CFAP20DC: variants seen among roughly 807,000 people sequenced by gnomAD.
The protein encoded by CFAP20DC is CFAP20 domain containing.
Under a neutral mutation model 101.7 loss-of-function variants are expected in CFAP20DC, and 84 were observed. That is an observed-to-expected ratio of 0.83 (90% confidence interval 0.69 to 0.99). CFAP20DC has a LOEUF of 0.99. Ranked by LOEUF, CFAP20DC falls within the 50% of genes least tolerant of loss-of-function variation. CFAP20DC has a pLI of 0.00. For synonymous variants in CFAP20DC, 359 were observed against 351.2 expected, an observed-to-expected ratio of 1.02 and a Z score of -0.25; for missense variants, 1,007 against 970.3, an observed-to-expected ratio of 1.04 and a Z score of -0.50.
At chr3:58,772,388 G>A (rs772594275) in intron 15 of CFAP20DC, among the ~76,000 whole-genome samples, 19 of 152,084 alleles carry the variant, frequency 1.2e-4, no homozygotes, top group Non-Finnish European at 2.1e-4. Flanking sequence ...TATAATTATA[G>A]AAATACAAAT....
intron 4 of CFAP20DC, among the ~76,000 whole-genome samples, chr3:59,034,458 T>C (rs563961707): frequency 5.2e-4 from 79 of 152,238 alleles, no homozygotes; most frequent in African/African-American, 1.8e-3. Context: ...TCATCTTCCA[T>C]GCAAAGACAC....
chr3:58,754,380 G>A (rs920500564), intron 15 of CFAP20DC, among the ~76,000 whole-genome samples: 1 of 152,030 alleles, frequency 6.6e-6, no homozygotes, highest in African/African-American at 2.4e-5. Context: ...GGGGGAGTGA[G>A]GGCATTTCCC....
intron 4 of CFAP20DC, among the ~76,000 whole-genome samples, chr3:58,991,340 T>C (rs2092929946): frequency 6.6e-6 from 1 of 152,188 alleles, no homozygotes; most frequent in Admixed American, 6.5e-5. Context: ...AGGAAATTAA[T>C]GATGTCTTCT....
chr3:58,890,681 A>G (rs1288707881), intron 6 of CFAP20DC, among the ~76,000 whole-genome samples: 2 of 138,680 alleles, frequency 1.4e-5, no homozygotes, highest in Non-Finnish European at 3.1e-5. Flanking sequence ...GGTGGTTGCC[A>G]GGCAGAGGGT....
intron 6 of CFAP20DC, among the ~76,000 whole-genome samples, chr3:58,910,233 GT>G (rs1240531239): frequency 6.6e-6 from 1 of 151,992 alleles, no homozygotes; most frequent in African/African-American, 2.4e-5. Flanking sequence ...GAAATTTTCT[GT>G]TTCTTGAATC....
intron 4 of CFAP20DC, among the ~76,000 whole-genome samples, chr3:58,940,276 T>A (rs1215037482): frequency 6.6e-6 from 1 of 152,248 alleles, no homozygotes; most frequent in Non-Finnish European, 1.5e-5. Flanking sequence ...CCTCTATTCT[T>A]GTGCAAAAGG....
intron 6 of CFAP20DC, among the ~76,000 whole-genome samples, chr3:58,891,526 T>C (rs2082263528): frequency 6.6e-6 from 1 of 152,182 alleles, no homozygotes; most frequent in Non-Finnish European, 1.5e-5. Context: ...TGGTATCTCA[T>C]TGTGCTTTTG....
At chr3:58,730,690 T>C (rs149333700) in intron 3 of CFAP20DC, among the ~76,000 whole-genome samples, 2 of 152,318 alleles carry the variant, frequency 1.3e-5, no homozygotes, top group Non-Finnish European at 2.9e-5. Flanking sequence ...TGAATGAAGC[T>C]GGTTTGGTGA....
intron 12 of CFAP20DC, among the ~76,000 whole-genome samples, chr3:58,856,782 T>C (rs1464138475): frequency 3.3e-5 from 5 of 152,160 alleles, no homozygotes; most frequent in Non-Finnish European, 1.5e-5. Context: ...TCTAAGATGG[T>C]ATTGGTAGAA....
At chr3:58,937,442 T>C (rs760132330) in intron 5 of CFAP20DC, among the ~76,000 whole-genome samples, 3 of 152,192 alleles carry the variant, frequency 2.0e-5, no homozygotes, top group Non-Finnish European at 2.9e-5. Context: ...TAACACAGTT[T>C]TGGTGATTTT....
chr3:58,719,196 T>C (rs1368987615), intron 3 of CFAP20DC, among the ~76,000 whole-genome samples: 1 of 152,198 alleles, frequency 6.6e-6, no homozygotes, highest in Non-Finnish European at 1.5e-5. Flanking sequence ...TGAGCCATGA[T>C]TGTGCCACTG....
chr3:58,992,633 T>C (rs2092978515), intron 4 of CFAP20DC: 1 of 809,886 alleles, frequency 1.2e-6, no homozygotes, highest in Non-Finnish European at 1.5e-6. Context: ...CATCAGACAA[T>C]AAATACAAAA....
At chr3:58,727,730 C>T (rs761275214) in intron 3 of CFAP20DC, 37 of 152,360 alleles carry the variant, frequency 2.4e-4, no homozygotes, top group Middle Eastern at 3.4e-3. Context: ...TGAGCCACCG[C>T]GCCCAGCCCA....
intron 14 of CFAP20DC, among the ~76,000 whole-genome samples, chr3:58,808,566 G>C (rs567514418): frequency 6.6e-6 from 1 of 152,062 alleles, no homozygotes; most frequent in African/African-American, 2.4e-5. Context: ...TGAAGGAACC[G>C]CTAAACATGG....
chr3:58,898,699 A>G (rs563263419), intron 6 of CFAP20DC, among the ~76,000 whole-genome samples: 1 of 152,250 alleles, frequency 6.6e-6, no homozygotes, highest in South Asian at 2.1e-4. Context: ...TAGTCATCTC[A>G]GTCTCAGTCC....
rs571656289 is a variant in CFAP20DC at position 58,952,456 on chromosome 3, G to A, written c.279-14694C>T. On this transcript the variant is annotated intron_variant, in intron 4 of 16. Transcript: ENST00000482387. ...TTGGGTGATCAGATTGACTGTCACCGTATTGCAGTGCTTGTATTCAAGTAA... is the reference window on the plus strand; with the variant it reads ...TTGGGTGATCAGATTGACTGTCACCATATTGCAGTGCTTGTATTCAAGTAA... Among the ~76,000 whole-genome samples, 101 of 152,240 alleles carry A rather than the reference G, an allele frequency of 6.6e-4. 2 individuals carry two copies. In the South Asian group the frequency reaches 0.019, roughly 29 times the overall value.
chr3:58,932,442 A>C (rs9857147), intron 5 of CFAP20DC, among the ~76,000 whole-genome samples: 9 of 151,778 alleles, frequency 5.9e-5, no homozygotes, highest in East Asian at 3.9e-4. Context: ...GATACTCCTC[A>C]AGAAGAGCAA....
intron 3 of CFAP20DC, 92 bp downstream of exon 3, chr3:59,046,137 G>T: frequency 1.2e-6 from 1 of 843,806 alleles, no homozygotes; most frequent in Non-Finnish European, 1.8e-6. Context: ...ATAGATGTCA[G>T]TAGAAGTCAT....
intron 4 of CFAP20DC, among the ~76,000 whole-genome samples, chr3:59,003,517 A>C (rs573383789): frequency 1.5e-4 from 23 of 152,326 alleles, no homozygotes; most frequent in African/African-American, 4.8e-4. Context: ...TGCCAAAACA[A>C]TCCATAGGTA....
Sources: gnomAD v4.1 joint callset for allele counts (sites outside exome capture counted in the v4.1 genomes callset) on GRCh38, gnomAD v4.1.1 for gene constraint, MANE v1.5 for transcripts, NCBI Gene and HGNC (gene_info 2026-07-23, HGNC 2026-07-21) for gene names.